The following SV2C variants were observed in gnomAD, a reference collection of about 807,000 sequenced individuals.
SV2C encodes the protein synaptic vesicle glycoprotein 2C.
Under a neutral mutation model 79.7 loss-of-function variants are expected in SV2C, and 49 were observed. The observed-to-expected ratio is 0.61, with a 90% CI of 0.49 to 0.78. The LOEUF is 0.78. SV2C is among the 30% of genes least tolerant of loss of function. The pLI is 0.00. For missense variants in SV2C, 833 were observed against 912.9 expected, an observed-to-expected ratio of 0.91 and a Z score of 1.13; for synonymous variants, 334 against 333.2, an observed-to-expected ratio of 1.00 and a Z score of -0.03.
the SV2C span, among the ~76,000 whole-genome samples, chr5:76,078,378 T>C: frequency 6.6e-6 from 1 of 152,158 alleles, no homozygotes; most frequent in African/African-American, 2.4e-5. Context: ...CCAGGAGGCA[T>C]AGTCAGAGGG....
At chr5:76,310,637 G>T (rs1748404584) in intron 12 of SV2C, among the ~76,000 whole-genome samples, 4 of 152,178 alleles carry the variant, frequency 2.6e-5, no homozygotes, top group Admixed American at 2.6e-4. Context: ...AAGAGGTAAT[G>T]GTGCCAATGG....
At chr5:75,936,108 A>G in the SV2C span, among the ~76,000 whole-genome samples, 4 of 152,352 alleles carry the variant, frequency 2.6e-5, no homozygotes, top group Non-Finnish European at 5.9e-5. Context: ...AGTAGAATTA[A>G]GGGAGTTTAT....
At chr5:76,076,259 C>T in the SV2C span, among the ~76,000 whole-genome samples, 1 of 152,304 alleles carries the variant, frequency 6.6e-6, no homozygotes, top group South Asian at 2.1e-4. Context: ...GGAAGCTGGA[C>T]TGGATGTTGG....
At chr5:76,022,177 G>C in the SV2C span, among the ~76,000 whole-genome samples, 14 of 152,170 alleles carry the variant, frequency 9.2e-5, no homozygotes, top group African/African-American at 3.4e-4. Flanking sequence ...GTGTCATTTA[G>C]CACACTGAAG....
the SV2C span, among the ~76,000 whole-genome samples, chr5:76,054,964 T>C: frequency 6.6e-6 from 1 of 152,220 alleles, no homozygotes; most frequent in African/African-American, 2.4e-5. Context: ...TTAACTCTGA[T>C]AATAGTTTCT....
chr5:76,030,289 T>TTTTTTTTTTTTTTA, the SV2C span, among the ~76,000 whole-genome samples: 7 of 117,912 alleles, frequency 5.9e-5, no homozygotes, highest in Non-Finnish European at 6.8e-5. Flanking sequence ...TTTTTTTTTT[T>TTTTTTTTTTTTTTA]TTTATTTATT....
intron 4 of SV2C, among the ~76,000 whole-genome samples, chr5:76,221,090 A>G (rs1490470261): frequency 3.3e-5 from 5 of 152,294 alleles, no homozygotes; most frequent in African/African-American, 1.2e-4. Flanking sequence ...ATCTTTTAGG[A>G]ATGTTCCTGC....
At chr5:75,878,932 A>C in the SV2C span, among the ~76,000 whole-genome samples, 1 of 152,218 alleles carries the variant, frequency 6.6e-6, no homozygotes, top group South Asian at 2.1e-4. Context: ...TGAGGACCTC[A>C]GTAAGCTTAC....
chr5:76,301,333 G>A, intron 11 of SV2C, 53 bp from the exon 12 acceptor site: 1 of 1,603,986 alleles, frequency 6.2e-7, no homozygotes, highest in East Asian at 2.2e-5. Context: ...AAGGGTTCTT[G>A]CTTTACTAAG....
chr5:75,999,256 G>A, the SV2C span, among the ~76,000 whole-genome samples: 14,426 of 150,760 alleles, frequency 0.096, 801 homozygotes, highest in African/African-American at 0.15. Flanking sequence ...ATATCAATTT[G>A]TATATATGTA....
At chr5:75,972,063 C>T in the SV2C span, among the ~76,000 whole-genome samples, 1 of 152,140 alleles carries the variant, frequency 6.6e-6, no homozygotes, top group East Asian at 1.9e-4. Flanking sequence ...CTGAGAAAAG[C>T]AAGCAATGGG....
chr5:76,038,069 C>T, the SV2C span, among the ~76,000 whole-genome samples: 2 of 152,230 alleles, frequency 1.3e-5, no homozygotes, highest in African/African-American at 4.8e-5. Flanking sequence ...CTTGCACTTC[C>T]GGAGTGAGGC....
chr5:76,076,462 ATATCTGCTGG>A, the SV2C span, among the ~76,000 whole-genome samples: 4 of 152,236 alleles, frequency 2.6e-5, no homozygotes, highest in Non-Finnish European at 4.4e-5. Flanking sequence ...TTCTTTTGTT[ATATCTGCTGG>A]TGCTACTTCA....
intron 1 of SV2C, among the ~76,000 whole-genome samples, chr5:76,092,754 A>C (rs372651598): frequency 6.6e-6 from 1 of 151,964 alleles, no homozygotes; most frequent in African/African-American, 2.4e-5. Flanking sequence ...TCTCCCTCCT[A>C]CCATCTCTTC....
At chr5:76,061,676 G>A in the SV2C span, among the ~76,000 whole-genome samples, 1 of 152,114 alleles carries the variant, frequency 6.6e-6, no homozygotes, top group East Asian at 1.9e-4. Context: ...TAATTTTGGC[G>A]ATAGAGAATC....
At chr5:75,898,909 G>A in the SV2C span, among the ~76,000 whole-genome samples, 1 of 152,110 alleles carries the variant, frequency 6.6e-6, no homozygotes, top group Admixed American at 6.5e-5. Context: ...GGGATTGGTG[G>A]AGATATCCCC....
intron 1 of SV2C, among the ~76,000 whole-genome samples, chr5:76,107,577 G>A (rs182022480): frequency 3.9e-5 from 6 of 152,158 alleles, no homozygotes; most frequent in South Asian, 2.1e-4. Flanking sequence ...AAAGGCAATC[G>A]TCTTGGCTGG....
intron 2 of SV2C, among the ~76,000 whole-genome samples, chr5:76,164,558 T>C (rs1044141432): frequency 6.6e-6 from 1 of 152,212 alleles, no homozygotes; most frequent in Non-Finnish European, 1.5e-5. Context: ...AGTTAAATCA[T>C]GTGACTAAGC....
intron 2 of SV2C, among the ~76,000 whole-genome samples, chr5:76,157,653 G>A (rs1195637403): frequency 2.0e-5 from 3 of 151,406 alleles, no homozygotes; most frequent in Non-Finnish European, 4.4e-5. Context: ...GGTAGGTGGA[G>A]GCAATATTAT....
Sources: allele counts gnomAD v4.1 joint callset (sites outside exome capture counted in the v4.1 genomes callset), GRCh38; gene constraint gnomAD v4.1.1; transcripts MANE v1.5; gene names NCBI Gene and HGNC (gene_info 2026-07-23, HGNC 2026-07-21).